The following PLPPR1 variants were observed in gnomAD, a reference collection of about 807,000 sequenced individuals.
PLPPR1 encodes the protein phospholipid phosphatase-related protein type 1.
A neutral mutation model predicts 33.1 loss-of-function variants in PLPPR1; 10 were observed. That is an observed-to-expected ratio of 0.30 (90% confidence interval 0.19 to 0.51). The LOEUF is 0.51. Ranked by LOEUF, PLPPR1 falls within the 20% of genes least tolerant of loss-of-function variation. The pLI, the probability that PLPPR1 is intolerant of heterozygous loss-of-function variation, is 0.97. For synonymous variants in PLPPR1, 151 were observed against 151.0 expected (o/e 1.00, Z 0.00); for missense variants, 304 against 408.1 (o/e 0.74, Z 2.20).
At chr9:101,286,050 C>T in intron 3 of PLPPR1, 54 bp from the exon 4 acceptor site, 1 of 1,496,850 alleles carries the variant, frequency 6.7e-7, no homozygotes, top group Non-Finnish European at 9.2e-7. Context: ...AGCCATGGGC[C>T]TCTCTTATCA....
intron 7 of PLPPR1, among the ~76,000 whole-genome samples, chr9:101,323,489 AGT>A: frequency 7.0e-6 from 1 of 143,780 alleles, no homozygotes. Flanking sequence ...AAAAAAAAAA[AGT>A]TTGGGTGAAG....
intron 1 of PLPPR1, among the ~76,000 whole-genome samples, chr9:101,057,202 C>T (rs1002127304): frequency 3.3e-5 from 5 of 152,130 alleles, no homozygotes; most frequent in Non-Finnish European, 5.9e-5. Flanking sequence ...TAATACATTA[C>T]TAGCAAATGT....
At chr9:101,048,277 A>G (rs1293096950) in intron 1 of PLPPR1, among the ~76,000 whole-genome samples, 1 of 152,214 alleles carries the variant, frequency 6.6e-6, no homozygotes, top group East Asian at 1.9e-4. Context: ...GAAAAGCAAA[A>G]TGAAAAATGA....
chr9:101,050,814 CAG>C (rs1010138365), intron 1 of PLPPR1, among the ~76,000 whole-genome samples: 8 of 152,310 alleles, frequency 5.3e-5, no homozygotes, highest in Non-Finnish European at 8.8e-5. Context: ...TTGAAACTCA[CAG>C]AGTTTCAAAA....
At chr9:101,267,417 G>A (rs1383292919) in intron 2 of PLPPR1, among the ~76,000 whole-genome samples, 1 of 152,162 alleles carries the variant, frequency 6.6e-6, no homozygotes, top group Non-Finnish European at 1.5e-5. Flanking sequence ...GAGAAGGCTG[G>A]CATAAAGGTT....
At chr9:101,304,893 G>T (rs1166507495) in intron 4 of PLPPR1, among the ~76,000 whole-genome samples, 2 of 152,150 alleles carry the variant, frequency 1.3e-5, no homozygotes, top group Non-Finnish European at 2.9e-5. Flanking sequence ...AGAACACGTG[G>T]ATCTAGTCCT....
At chr9:101,143,616 G>A (rs1048625133) in intron 1 of PLPPR1, among the ~76,000 whole-genome samples, 16 of 152,130 alleles carry the variant, frequency 1.1e-4, no homozygotes, top group Admixed American at 2.0e-4. Flanking sequence ...AAAAGTGGGC[G>A]AAGGATATGA....
chr9:101,268,720 A>G (rs1044432631), intron 2 of PLPPR1, among the ~76,000 whole-genome samples: 1 of 152,232 alleles, frequency 6.6e-6, no homozygotes, highest in Non-Finnish European at 1.5e-5. Flanking sequence ...ACTGCCTTAT[A>G]TGTACTTCAA....
chr9:101,249,720 A>G (rs563913888), intron 2 of PLPPR1, among the ~76,000 whole-genome samples: 1 of 152,250 alleles, frequency 6.6e-6, no homozygotes, highest in East Asian at 1.9e-4. Context: ...GAGCGTTATG[A>G]AATGGTACAG....
At chr9:101,204,550 G>A (rs117888012) in intron 2 of PLPPR1, among the ~76,000 whole-genome samples, 1,572 of 152,226 alleles carry the variant, frequency 0.01, 10 homozygotes, top group Middle Eastern at 0.02. Context: ...TGCTGTTTCC[G>A]TATATTGAGA....
Position 101,154,731 on chromosome 9 carries a change from G to C in PLPPR1, c.-45-30719G>C, listed in dbSNP as rs569941904. 1.4e-4 allele frequency among the ~76,000 whole-genome samples: 21 copies of C among 152,170 alleles called. No individual in the cohort carries two copies. In the East Asian group the frequency reaches 4.1e-3, roughly 29 times the overall value. On this transcript the variant is annotated intron_variant, in intron 1 of 7. Coordinates refer to ENST00000374874, the MANE Select transcript of PLPPR1 (RefSeq NM_207299.2). ...CCAACCCAAATGTCCATCAATGATA[G>C]ACTGGATTAAGAAAATGTGGCACAT...
Position 101,154,541 on chromosome 9 carries a change from G to A in PLPPR1, c.-45-30909G>A, listed in dbSNP as rs563630438. Among the ~76,000 whole-genome samples, 7 of 152,206 alleles carry A rather than the reference G, an allele frequency of 4.6e-5. No individual in the cohort carries two copies. The South Asian group carries it at 1.5e-3, about 32-fold the overall frequency. On this transcript the variant is annotated intron_variant, in intron 1 of 7. Coordinates refer to ENST00000374874, the MANE Select transcript of PLPPR1 (RefSeq NM_207299.2). ...TCTGATGGTAGTCTGTATTTCTGTG[G>A]GATCAGTGGTGATATCCCCTCAAGT...
At chr9:101,267,282 T>C (rs1195175270) in intron 2 of PLPPR1, among the ~76,000 whole-genome samples, 1 of 152,218 alleles carries the variant, frequency 6.6e-6, no homozygotes, top group African/African-American at 2.4e-5. Context: ...CTAGCTGCAA[T>C]CAGGAGCACC....
chr9:101,271,270 A>C (rs1828095181), intron 3 of PLPPR1, among the ~76,000 whole-genome samples: 1 of 152,162 alleles, frequency 6.6e-6, no homozygotes, highest in Non-Finnish European at 1.5e-5. Flanking sequence ...CCTCCCATAC[A>C]AAATAAGGAC....
chr9:101,292,135 G>A (rs754442699), intron 4 of PLPPR1, among the ~76,000 whole-genome samples: 5 of 152,292 alleles, frequency 3.3e-5, no homozygotes, highest in Middle Eastern at 3.4e-3. Flanking sequence ...CGAGAACTAC[G>A]TGAAGAATGC....
At chr9:101,260,598 A>G (rs1827881243) in intron 2 of PLPPR1, among the ~76,000 whole-genome samples, 1 of 152,162 alleles carries the variant, frequency 6.6e-6, no homozygotes, top group African/African-American at 2.4e-5. Flanking sequence ...TGGATTTACC[A>G]GGATAGGGAA....
At chr9:101,285,573 A>T (rs1467942368) in intron 3 of PLPPR1, among the ~76,000 whole-genome samples, 1 of 152,246 alleles carries the variant, frequency 6.6e-6, no homozygotes, top group Admixed American at 6.5e-5. Context: ...GCAAAACAAC[A>T]TGCTATATAA....
intron 1 of PLPPR1, among the ~76,000 whole-genome samples, chr9:101,034,270 A>T (rs1048982014): frequency 6.6e-6 from 1 of 152,136 alleles, no homozygotes; most frequent in Non-Finnish European, 1.5e-5. Context: ...CTCCAAGAGC[A>T]TGCAAAGATA....
At chr9:101,225,406 A>G (rs1268359400) in intron 2 of PLPPR1, among the ~76,000 whole-genome samples, 1 of 152,130 alleles carries the variant, frequency 6.6e-6, no homozygotes, top group African/African-American at 2.4e-5. Context: ...ATTTAACGAG[A>G]GCCATGCCTC....
Sources: gnomAD v4.1 joint callset for allele counts (sites outside exome capture counted in the v4.1 genomes callset) on GRCh38, gnomAD v4.1.1 for gene constraint, MANE v1.5 for transcripts, NCBI Gene and HGNC (gene_info 2026-07-23, HGNC 2026-07-21) for gene names.